The following MMP9 variants were observed in gnomAD, a reference collection of about 807,000 sequenced individuals.
MMP9 encodes the protein matrix metalloproteinase-9.
MMP9 carries 73 observed loss-of-function variants against 76.4 expected under a neutral mutation model. The ratio of observed to expected loss-of-function variants is 0.96; its 90% CI spans 0.79 to 1.16. The LOEUF is 1.16. Ranked by LOEUF, MMP9 falls within the 50% of genes most tolerant of loss-of-function variation. The pLI, the probability that MMP9 is intolerant of heterozygous loss-of-function variation, is 0.00. For synonymous variants in MMP9, 412 were observed against 408.4 expected (o/e 1.01, Z -0.11); for missense variants, 943 against 973.0 (o/e 0.97, Z 0.41).
In MMP9 at chr20:46,014,120, G is replaced by A; in HGVS notation, c.1751-4G>A. On this transcript the variant is annotated splice_region_variant and splice_polypyrimidine_tract_variant and intron_variant, in intron 10 of 12. Coordinates refer to ENST00000372330, the MANE Select transcript of MMP9 (RefSeq NM_004994.3). ...CAAACCGACGTGACCCTCCTCCCCT[G>A]CAGGGCGCCAGGTGTGGGTGTACAC... The A allele has an allele frequency of 6.5e-7, 1 of 1,535,022 alleles. No individual in the cohort carries two copies. Among genetic ancestry groups the A allele is most frequent in the Non-Finnish European group, 8.7e-7 (1 of 1,146,620 alleles).
rs1487471521 is a variant in MMP9, at chr20:46,013,503, A to T, written c.1579A>T (p.Ile527Phe). 1 of 1,613,948 alleles carries T rather than the reference A, an allele frequency of 6.2e-7. No homozygotes were observed. Among genetic ancestry groups the T allele is most frequent in the Non-Finnish European group, 8.5e-7 (1 of 1,179,996 alleles). The change falls in exon 9 of 13, where the codon ATT becomes TTT. Residue 527 changes from isoleucine to phenylalanine, a missense_variant. By Grantham distance (21) the Ile-to-Phe change is conservative. Coordinates refer to ENST00000372330, the MANE Select transcript of MMP9 (RefSeq NM_004994.3). This position sits in a 1 kb window ranked among gnomAD's most constrained non-coding sequence, Gnocchi z 4.5. ...NVNIFDAIAE[I>F]GNQLYLFKDG... ...GAACATCTTCGACGCCATCGCGGAG[A>T]TTGGGAACCAGCTGTATTTGTTCAA...
chr20:46,010,329 A>ACAAACAAACAAAC lies in MMP9; in HGVS notation c.372-154_372-153insCAAACAAACAAAC, dbSNP rs61268200. Among the ~76,000 whole-genome samples the ACAAACAAACAAAC allele has an allele frequency of 0.041, 5,852 of 143,770 alleles. 455 individuals carry two copies. Among genetic ancestry groups the ACAAACAAACAAAC allele is most frequent in the Admixed American group, 0.052 (765 of 14,620 alleles). The allele number at this position is 143,770 out of a possible 152,430, so 94.3% of individuals were successfully genotyped here. A position where few individuals can be genotyped will look rare whatever the true frequency, so the allele number is the denominator to read the frequency against. ...GTGAGGGTCTAAGTAGACAAAAAAA[A>ACAAACAAACAAAC]AAAAAAAAAAAACAGTCTGGAAGCA... On this transcript the variant is annotated intron_variant, in intron 2 of 12. Transcript: ENST00000372330.
At position 46,012,631 on chromosome 20, in the gene MMP9, G is replaced by A. The variant is rs201268135; in HGVS notation, c.1330+49G>A. On this transcript the variant is annotated intron_variant, in intron 8 of 12. Transcript: ENST00000372330. ...GGAGGAGGGGAAAGGGCGTGGCTGT[G>A]CCACAGTACCAAAGAATTGGGGGTT... The A allele has an allele frequency of 9.3e-4, 1,442 of 1,553,328 alleles. 3 individuals carry two copies. The highest frequency in any genetic ancestry group is 1.1e-3 in the Non-Finnish European group (1,308 of 1,142,766).
rs55789927 is a variant in MMP9 at position 46,010,960 on chromosome 20, C to G, written c.559C>G (p.Leu187Val). 112 of 1,614,150 alleles carry G rather than the reference C, an allele frequency of 6.9e-5. No individual in the cohort carries two copies. The highest frequency in any genetic ancestry group is 9.0e-5 in the Non-Finnish European group (106 of 1,180,062). Residue 187 changes from leucine (L) to valine (V), a missense_variant, in exon 4 of 13, where the codon CTC becomes GTC. Physicochemically the swap from Leu to Val is conservative, Grantham distance 32. Coordinates refer to ENST00000372330, the MANE Select transcript of MMP9 (RefSeq NM_004994.3). ...GTATCCCTTCGACGGGAAGGACGGGCTCCTGGCACACGCCTTTCCTCCTGG... is the reference window on the plus strand; with the variant it reads ...GTATCCCTTCGACGGGAAGGACGGGGTCCTGGCACACGCCTTTCCTCCTGG... The part of the protein sequence containing the change: ...DGYPFDGKDG[L>V]LAHAFPPGPG...
chr20:46,014,279 G>C lies in MMP9; in HGVS notation c.1901+5G>C. On this transcript the variant is annotated splice_donor_5th_base_variant and intron_variant, in intron 11 of 12. Transcript: ENST00000372330. ...CAGCGGGCGGCGCCTCTGGAGGTGA[G>C]CGCCGCCGCGGCCGCCGGCAGGGGG... The C allele has an allele frequency of 6.6e-7, 1 of 1,519,052 alleles. No individual in the cohort carries two copies. Among genetic ancestry groups the C allele is most frequent in the Non-Finnish European group, 8.8e-7 (1 of 1,136,286 alleles). 94.1% of individuals were successfully genotyped at this position (1,519,052 alleles called of 1,614,324 possible).
rs3918281 is a variant in MMP9, at chr20:46,012,815, G to A, written c.1330+233G>A. 0.018 allele frequency among the ~76,000 whole-genome samples: 2,769 copies of A among 152,296 alleles called. 49 individuals are homozygous for A. The highest frequency in any genetic ancestry group is 0.03 in the Non-Finnish European group (2,065 of 68,010). ...GTGACTTCAAAAGCCAGTCTACTCTGGGCATGGTGGCTCACGCCTCTAATC... is the reference window on the plus strand; with the variant it reads ...GTGACTTCAAAAGCCAGTCTACTCTAGGCATGGTGGCTCACGCCTCTAATC... On this transcript the variant is annotated intron_variant, in intron 8 of 12. Transcript: ENST00000372330.
rs45592943 is a variant in MMP9 at position 46,009,007 on chromosome 20, C to T, written c.81C>T (p.Thr27=). 1.3e-5 allele frequency: 21 copies of T among 1,613,992 alleles called. No individual in the cohort carries two copies. The East Asian group carries it at 4.5e-4, about 34-fold the overall frequency. Residue 27 remains threonine, a synonymous_variant, in exon 1 of 13, where the codon ACC becomes ACT. Transcript: ENST00000372330. ...CFAAPRQRQS[T]LVLFPGDLRT... The stretch of plus-strand genomic sequence containing the variant: ...CTGCCCCCAGACAGCGCCAGTCCAC[C>T]CTTGTGCTCTTCCCTGGAGACCTGA...
At position 46,014,989 on chromosome 20, in the gene MMP9, G is replaced by A. The variant is rs138585153; in HGVS notation, c.2005+515G>A. Among the ~76,000 whole-genome samples the A allele has an allele frequency of 9.9e-4, 150 of 152,276 alleles. 2 individuals carry two copies. Among genetic ancestry groups the A allele is most frequent in the African/African-American group, 3.4e-3 (142 of 41,540 alleles). On this transcript the variant is annotated intron_variant, in intron 12 of 12. Coordinates refer to ENST00000372330, the MANE Select transcript of MMP9 (RefSeq NM_004994.3). ...TGCCACCAAAATCTTTTTCGAGTCTGTCATTTTTTTTGCCATCTTCTTTAT... is the reference window on the plus strand; with the variant it reads ...TGCCACCAAAATCTTTTTCGAGTCTATCATTTTTTTTGCCATCTTCTTTAT...
Position 46,008,954 on chromosome 20 carries a change from G to A in MMP9, c.28G>A (p.Val10Met), listed in dbSNP as rs377557970. ...GAGCCTCTGGCAGCCCCTGGTCCTG[G>A]TGCTCCTGGTGCTGGGCTGCTGCTT... MSLWQPLVL[V>M]LLVLGCCFAA... The change falls in exon 1 of 13, where the codon GTG (valine) becomes ATG (methionine). Residue 10 changes from valine (V) to methionine (M), a missense_variant. Coordinates refer to ENST00000372330, the MANE Select transcript of MMP9 (RefSeq NM_004994.3). 3 of 1,613,968 alleles carry A rather than the reference G, an allele frequency of 1.9e-6. No individual in the cohort carries two copies. The highest frequency in any genetic ancestry group is 2.5e-6 in the Non-Finnish European group (3 of 1,179,970).
Position 46,014,382 on chromosome 20 carries a change from A to C in MMP9, c.1913A>C (p.Lys638Thr). The change falls in exon 12 of 13, where the codon AAG (lysine) becomes ACG (threonine). Residue 638 changes from lysine (K) to threonine (T), a missense_variant. By Grantham distance (78) the Lys-to-Thr change is moderately conservative. Coordinates refer to ENST00000372330, the MANE Select transcript of MMP9 (RefSeq NM_004994.3). The stretch of plus-strand genomic sequence containing the variant: ...GCGCCTGCCCGCAGGTTCGACGTGA[A>C]GGCGCAGATGGTGGATCCCCGGAGC... ...SGRRLWRFDV[K>T]AQMVDPRSAS... The C allele has an allele frequency of 6.5e-7, 1 of 1,548,726 alleles. No individual in the cohort carries two copies. The highest frequency in any genetic ancestry group is 8.7e-7 in the Non-Finnish European group (1 of 1,146,940).
intron 1 of MMP9, 152 bp from the exon 2 acceptor site, chr20:46,009,714 G>C: frequency 1.4e-6 from 1 of 706,420 alleles, no homozygotes; most frequent in Non-Finnish European, 2.5e-6. Flanking sequence ...CTTGAGTCCA[G>C]GAGGTCCAGG....
chr20:46,014,486 G>A lies in MMP9; in HGVS notation c.2005+12G>A, dbSNP rs749465518. The A allele has an allele frequency of 2.1e-5, 32 of 1,548,730 alleles. No homozygotes were observed. The East Asian group carries it at 7.8e-4, about 38-fold the overall frequency. ...CTTCCAGTACCGAGGTGAGGGCTGA[G>A]GAGGATCCCTTCGTGAGACACCACA... On this transcript the variant is annotated intron_variant, in intron 12 of 12. Coordinates refer to ENST00000372330, the MANE Select transcript of MMP9 (RefSeq NM_004994.3).
intron 2 of MMP9, 56 bp from the exon 3 acceptor site, chr20:46,010,427 C>T (rs750422204): frequency 4.8e-5 from 77 of 1,597,386 alleles, no homozygotes; most frequent in Non-Finnish European, 6.4e-5. Flanking sequence ...GGTGTCCCTG[C>T]TGCCCCGCTC....
In MMP9 at chr20:46,010,082, CACA is replaced by C; in HGVS notation, c.359_361del (p.Asn120del). 2 of 1,543,554 alleles carry C rather than the reference CACA, an allele frequency of 1.3e-6. No individual in the cohort carries two copies. The highest frequency in any genetic ancestry group is 1.4e-5 in the African/African-American group (1 of 72,838). ...TGAGGGCGACCTCAAGTGGCACCAC[CACA>C]ACATCACCTATTGGTGAGCCGGGGC... On this transcript the variant is annotated inframe_deletion, in exon 2 of 13. Coordinates refer to ENST00000372330, the MANE Select transcript of MMP9 (RefSeq NM_004994.3).
At position 46,010,101 on chromosome 20, in the gene MMP9, G is replaced by A; in HGVS notation, c.371+3G>A. On this transcript the variant is annotated splice_donor_region_variant and intron_variant, in intron 2 of 12. Transcript: ENST00000372330. ...CACCACCACAACATCACCTATTGGT[G>A]AGCCGGGGCCGTGGGGGCAGCGGGG... 1.3e-6 allele frequency: 2 copies of A among 1,544,138 alleles called. No individual in the cohort carries two copies. Among genetic ancestry groups the A allele is most frequent in the South Asian group, 1.2e-5 (1 of 83,882 alleles).
At position 46,010,002 on chromosome 20, in the gene MMP9, A is replaced by G. The variant is rs1485098105; in HGVS notation, c.275A>G (p.Lys92Arg). ...ETGELDSATL[K>R]AMRTPRCGVP... ...GGTGAGCTGGATAGCGCCACGCTGA[A>G]GGCCATGCGAACCCCACGGTGCGGG... The change falls in exon 2 of 13, where the codon AAG becomes AGG. Residue 92 changes from lysine (K) to arginine (R), a missense_variant. Physicochemically the swap from Lys to Arg is conservative, Grantham distance 26. Coordinates refer to ENST00000372330, the MANE Select transcript of MMP9 (RefSeq NM_004994.3). 6 of 1,551,670 alleles carry G rather than the reference A, an allele frequency of 3.9e-6. No individual in the cohort carries two copies. Among genetic ancestry groups the G allele is most frequent in the Non-Finnish European group, 5.2e-6 (6 of 1,146,984 alleles).
In MMP9 at chr20:46,013,826, GGTCAATCCCCATCA is replaced by G; in HGVS notation, c.1750+36_1750+49del. The stretch of plus-strand genomic sequence containing the variant: ...GTTACCTACTTTCCCTCCCCCGCCC[GGTCAATCCCCATCA>G]GTCAAGGAGGCTCAAGAGACCATCG... On this transcript the variant is annotated intron_variant, in intron 10 of 12. Transcript: ENST00000372330. This position sits in a 1 kb window ranked among gnomAD's most constrained non-coding sequence, Gnocchi z 4.5. 1 of 1,610,572 alleles carries G rather than the reference GGTCAATCCCCATCA, an allele frequency of 6.2e-7. No homozygotes were observed. The highest frequency in any genetic ancestry group is 1.1e-5 in the South Asian group (1 of 90,660).
At position 46,013,237 on chromosome 20, in the gene MMP9, C is replaced by T. The variant is rs1383537107; in HGVS notation, c.1331-18C>T. 9.9e-6 allele frequency: 16 copies of T among 1,613,996 alleles called. No homozygotes were observed. The highest frequency in any genetic ancestry group is 1.7e-5 in the Admixed American group (1 of 60,022). ...GTATGCAGGAATAGGAAGAGTCTCA[C>T]CCCGTGTCTCTTTTTAGGTCCTCGC... On this transcript the variant is annotated intron_variant, in intron 8 of 12. Coordinates refer to ENST00000372330, the MANE Select transcript of MMP9 (RefSeq NM_004994.3). This position sits in a 1 kb window ranked among gnomAD's most constrained non-coding sequence, Gnocchi z 4.5.
At chr20:46,011,531 T>G (rs756898923) in intron 5 of MMP9, 43 bp from the exon 6 acceptor site, 32 of 1,610,926 alleles carry the variant, frequency 2.0e-5, no homozygotes, top group Non-Finnish European at 2.6e-5. Context: ...TATAATGTGC[T>G]GTCTCCGCCT....
Sources: allele counts gnomAD v4.1 joint callset (sites outside exome capture counted in the v4.1 genomes callset), GRCh38; gene constraint gnomAD v4.1.1; non-coding constraint Gnocchi (gnomAD v3.1); transcripts MANE v1.5; gene names NCBI Gene and HGNC (gene_info 2026-07-23, HGNC 2026-07-21).